PLA2G5: variants seen among roughly 807,000 people sequenced by gnomAD.
PLA2G5 encodes the protein Ca2+-dependent phospholipase A2.
A neutral mutation model predicts 15.9 loss-of-function variants in PLA2G5; 12 were observed. The ratio of observed to expected loss-of-function variants is 0.76; its 90% confidence interval spans 0.48 to 1.23. The LOEUF (loss-of-function observed/expected upper bound fraction) is 1.23. Among genes scored for constraint, PLA2G5 ranks in the 50% most tolerant of loss-of-function variants. The pLI is 0.00. For synonymous variants in PLA2G5, 71 were observed against 71.4 expected (o/e 0.99, Z 0.03); for missense variants, 169 against 177.1 (o/e 0.95, Z 0.26).
At chr1:20,032,556 G>T (rs2013017371) in intron 1 of PLA2G5, among the ~76,000 whole-genome samples, 1 of 152,128 alleles carries the variant, frequency 6.6e-6, no homozygotes, top group African/African-American at 2.4e-5. Flanking sequence ...GGAAGTTTGA[G>T]TGCAAAGGGA....
intron 1 of PLA2G5, among the ~76,000 whole-genome samples, chr1:20,053,921 G>T (rs778152739): frequency 4.5e-4 from 69 of 152,280 alleles, no homozygotes; most frequent in Non-Finnish European, 8.4e-4. Context: ...CTAATTTACA[G>T]TATTAGTTAT....
chr1:20,086,295 A>G, intron 3 of PLA2G5, 68 bp downstream of exon 3: 1 of 1,510,340 alleles, frequency 6.6e-7, no homozygotes, highest in Non-Finnish European at 9.1e-7. Context: ...ATTCAATTCC[A>G]TATCAGTTCT....
intron 1 of PLA2G5, among the ~76,000 whole-genome samples, chr1:20,045,047 G>A (rs528854501): frequency 6.6e-6 from 1 of 152,236 alleles, no homozygotes; most frequent in African/African-American, 2.4e-5. Context: ...GATCTTGTAG[G>A]ATGGAGAAAT....
upstream of PLA2G5, among the ~76,000 whole-genome samples, chr1:20,067,549 G>A (rs915486348): frequency 6.6e-6 from 1 of 152,032 alleles, no homozygotes; most frequent in Non-Finnish European, 1.5e-5. Flanking sequence ...TTAGCCAGGT[G>A]TGGTGGTGTA....
intron 1 of PLA2G5, among the ~76,000 whole-genome samples, chr1:20,031,825 A>T (rs1557720218): frequency 6.6e-6 from 1 of 152,140 alleles, no homozygotes; most frequent in Non-Finnish European, 1.5e-5. Context: ...GAGGAGGAGA[A>T]GTCTGTGATC....
intron 1 of PLA2G5, among the ~76,000 whole-genome samples, chr1:20,044,375 G>GA (rs1343986739): frequency 2.0e-5 from 3 of 151,800 alleles, no homozygotes; most frequent in Admixed American, 6.6e-5. Context: ...GTTGTGGGGG[G>GA]GGTTTGAGGT....
chr1:20,062,580 G>A (rs887853146), intron 2 of PLA2G5, among the ~76,000 whole-genome samples: 4 of 152,154 alleles, frequency 2.6e-5, no homozygotes, highest in African/African-American at 7.2e-5. Flanking sequence ...GATCAGTTGA[G>A]CTCAGGAGTT....
chr1:20,070,291 C>T lies in PLA2G5; in HGVS notation c.-185C>T, dbSNP rs2015288957. 7.1e-6 allele frequency: 7 copies of T among 985,376 alleles called. No individual in the cohort carries two copies. The South Asian group carries it at 3.3e-4, about 46-fold the overall frequency. The allele number at this position is 985,376 out of a possible 1,614,324, so 61.0% of individuals were successfully genotyped here. Reference sequence around the variant, plus strand: ...CCTCATCATCGGTCACTCCCATTCACAGCTTTAAGATTCTGGAGGCCAAGA... The same window carrying T: ...CCTCATCATCGGTCACTCCCATTCATAGCTTTAAGATTCTGGAGGCCAAGA... On this transcript the variant is annotated 5_prime_UTR_variant, in exon 1 of 5. Transcript: ENST00000375108.
intron 1 of PLA2G5, among the ~76,000 whole-genome samples, chr1:20,041,765 A>G (rs540345454): frequency 2.0e-5 from 3 of 152,294 alleles, no homozygotes; most frequent in Admixed American, 6.5e-5. Context: ...TTTGCCTTGT[A>G]TGGGAAGAGA....
chr1:20,068,594 G>C (rs558534153), upstream of PLA2G5, among the ~76,000 whole-genome samples: 10 of 151,918 alleles, frequency 6.6e-5, no homozygotes, highest in Admixed American at 6.6e-4. Context: ...TGGGATTACA[G>C]GCATGTGCCA....
At chr1:20,048,103 G>A (rs2014008565) in intron 1 of PLA2G5, among the ~76,000 whole-genome samples, 1 of 152,032 alleles carries the variant, frequency 6.6e-6, no homozygotes. Flanking sequence ...TGTACACAAT[G>A]TTTCACTACT....
At chr1:20,082,779 TGTCAAAGC>T (rs2016098024) in intron 1 of PLA2G5, among the ~76,000 whole-genome samples, 1 of 151,870 alleles carries the variant, frequency 6.6e-6, no homozygotes, top group Non-Finnish European at 1.5e-5. Context: ...GCCTCCAAGA[TGTCAAAGC>T]GTCCTAAAAT....
At chr1:20,040,092 C>G (rs188111704) in intron 1 of PLA2G5, among the ~76,000 whole-genome samples, 1 of 151,742 alleles carries the variant, frequency 6.6e-6, no homozygotes, top group African/African-American at 2.4e-5. Context: ...CAAACAAACA[C>G]ACAAACAAAA....
At chr1:20,086,515 C>T (rs1310838998) in intron 3 of PLA2G5, among the ~76,000 whole-genome samples, 3 of 152,062 alleles carry the variant, frequency 2.0e-5, no homozygotes, top group South Asian at 2.1e-4. Context: ...GATGGCTTGT[C>T]GCAGCTTCAG....
intron 1 of PLA2G5, among the ~76,000 whole-genome samples, chr1:20,043,920 C>G (rs1221079871): frequency 3.3e-5 from 5 of 152,160 alleles, no homozygotes; most frequent in Non-Finnish European, 5.9e-5. Flanking sequence ...GTCCAGGGGG[C>G]TTTCGAGGTG....
intron 1 of PLA2G5, among the ~76,000 whole-genome samples, chr1:20,079,146 C>T (rs1170787131): frequency 6.8e-6 from 1 of 148,094 alleles, no homozygotes; most frequent in Non-Finnish European, 1.5e-5. Context: ...TCCAAGTCTT[C>T]TCAAAAAAGT....
intron 1 of PLA2G5, among the ~76,000 whole-genome samples, chr1:20,082,458 T>C (rs2016083844): frequency 6.6e-6 from 1 of 151,974 alleles, no homozygotes; most frequent in South Asian, 2.1e-4. Context: ...TGCCTCTTCA[T>C]GCACATGTGT....
At position 20,044,756 on chromosome 1, in the gene PLA2G5, G is replaced by A. The variant is rs1309725692; in HGVS notation, n.277-14876G>A. 1.9e-4 allele frequency among the ~76,000 whole-genome samples: 29 copies of A among 152,122 alleles called. 1 individual carries two copies. The highest frequency in any genetic ancestry group is 1.9e-3 in the Admixed American group (29 of 15,272). ...AGAAGGATTATAGGATGGAGGAGCG[G>A]AGGCTGAGGAAGAATTGGAGCCTGA... On this transcript the variant is annotated intron_variant and non_coding_transcript_variant, in intron 1 of 6. Transcript: ENST00000460175.
At chr1:20,073,235 AG>A (rs2015482434) in intron 1 of PLA2G5, among the ~76,000 whole-genome samples, 1 of 152,262 alleles carries the variant, frequency 6.6e-6, no homozygotes, top group African/African-American at 2.4e-5. Flanking sequence ...AAACAAAGAC[AG>A]AAAGGAAGGT....
Sources: allele counts gnomAD v4.1 joint callset (sites outside exome capture counted in the v4.1 genomes callset), GRCh38; gene constraint gnomAD v4.1.1; transcripts MANE v1.5; gene names NCBI Gene and HGNC (gene_info 2026-07-23, HGNC 2026-07-21).